CSPP1: variants seen among roughly 807,000 people sequenced by gnomAD.
The protein encoded by CSPP1 is centrosome and spindle pole-associated protein 1.
CSPP1 carries 126 observed loss-of-function variants against 164.4 expected under a neutral mutation model. The observed-to-expected ratio is 0.77, with a 90% CI of 0.66 to 0.89. The LOEUF (loss-of-function observed/expected upper bound fraction) is 0.89. Among genes scored for constraint, CSPP1 ranks in the 40% least tolerant of loss-of-function variants. The pLI, the probability that CSPP1 is intolerant of heterozygous loss-of-function variation, is 0.00. For synonymous variants in CSPP1, 472 were observed against 476.7 expected, an observed-to-expected ratio of 0.99 and a Z score of 0.13; for missense variants, 1,395 against 1,449.8, an observed-to-expected ratio of 0.96 and a Z score of 0.61.
chr8:67,092,445 T>C (rs72654940), intron 5 of CSPP1, among the ~76,000 whole-genome samples: 7,746 of 152,250 alleles, frequency 0.051, 261 homozygotes, highest in Non-Finnish European at 0.073. Flanking sequence ...AGACCTAGTT[T>C]CTTTTTTTTT....
chr8:67,163,702 G>A lies in CSPP1; in HGVS notation c.2644-30G>A, dbSNP rs1217710024. 4 of 1,549,782 alleles carry A rather than the reference G, an allele frequency of 2.6e-6. No individual in the cohort carries two copies. The Admixed American group carries it at 5.1e-5, about 20-fold the overall frequency. ...AGCTTCTGTGTAGGGAAGACATACT[G>A]AACATGTCTTTGTCATTATTGTTGA... On this transcript the variant is annotated intron_variant, in intron 22 of 30. Transcript: ENST00000678616.
intron 8 of CSPP1, among the ~76,000 whole-genome samples, chr8:67,104,287 CAG>C (rs1372758196): frequency 1.4e-5 from 2 of 145,798 alleles, no homozygotes; most frequent in Non-Finnish European, 3.0e-5. Context: ...TTTTTTGAGA[CAG>C]AGTCTCGCTT....
intron 1 of CSPP1, among the ~76,000 whole-genome samples, chr8:67,067,407 T>A (rs1374435470): frequency 6.6e-6 from 1 of 152,260 alleles, no homozygotes; most frequent in Non-Finnish European, 1.5e-5. Flanking sequence ...AATTATTGAT[T>A]ATTTAAATCT....
rs771296892 is a variant in CSPP1, at chr8:67,112,025, C to G, written c.1147C>G (p.Leu383Val). The change falls in exon 10 of 31, where the codon CTG becomes GTG. Residue 383 changes from leucine (L) to valine (V), a missense_variant. Coordinates refer to ENST00000678616, the MANE Select transcript of CSPP1 (RefSeq NM_001382391.1). ...AAGGAAAGAGAAATACAGACTAGAA[C>G]TGTTGGAACAAATGGCTGAGCAACA... ...QRRKEKYRLE[L>V]LEQMAEQQRN... 6.2e-7 allele frequency: 1 copy of G among 1,612,030 alleles called. No individual in the cohort carries two copies. Among genetic ancestry groups the G allele is most frequent in the East Asian group, 2.2e-5 (1 of 44,670 alleles).
intron 4 of CSPP1, chr8:67,086,339 T>G: frequency 1.8e-6 from 1 of 550,036 alleles, no homozygotes; most frequent in South Asian, 1.7e-5. Context: ...ACTAAGGCAG[T>G]GGATTCTAAT....
At position 67,105,947 on chromosome 8, in the gene CSPP1, C is replaced by T. The variant is rs780635377; in HGVS notation, c.1065C>T (p.Thr355=). ...CATCCAAATCTGCTAATCAAGATAC[C>T]TGTAGTCCTTTTGCAGGGATGCTCT... ...NETSKSANQD[T]CSPFAGMLFG... Residue 355 remains threonine, a synonymous_variant, in exon 9 of 31, where the codon ACC becomes ACT. Transcript: ENST00000678616. 2.5e-6 allele frequency: 4 copies of T among 1,593,578 alleles called. No individual in the cohort carries two copies. The highest frequency in any genetic ancestry group is 1.3e-5 in the African/African-American group (1 of 74,454).
chr8:67,081,396 T>A (rs1809152339), intron 3 of CSPP1, among the ~76,000 whole-genome samples: 1 of 152,164 alleles, frequency 6.6e-6, no homozygotes. Context: ...GCCAATTTTT[T>A]AATTACACAT....
At chr8:67,186,074 C>T (rs1282917503) in intron 28 of CSPP1, among the ~76,000 whole-genome samples, 1 of 152,172 alleles carries the variant, frequency 6.6e-6, no homozygotes, top group Non-Finnish European at 1.5e-5. Context: ...GGAGGCTATT[C>T]AAGATCTCTG....
chr8:67,105,669 C>A (rs888964739), intron 8 of CSPP1, among the ~76,000 whole-genome samples: 1 of 152,126 alleles, frequency 6.6e-6, no homozygotes, highest in African/African-American at 2.4e-5. Context: ...CAGGTGTGAG[C>A]CACCATGCCT....
chr8:67,104,485 G>C (rs1050871076), intron 8 of CSPP1, among the ~76,000 whole-genome samples: 1 of 151,878 alleles, frequency 6.6e-6, no homozygotes, highest in Non-Finnish European at 1.5e-5. Flanking sequence ...GGCTGGTCTT[G>C]AACTCCCAAA....
intron 15 of CSPP1, among the ~76,000 whole-genome samples, chr8:67,123,925 G>A (rs1046142989): frequency 1.6e-5 from 2 of 128,098 alleles, no homozygotes; most frequent in Non-Finnish European, 3.2e-5. Flanking sequence ...TTTTTAAGAC[G>A]CAGTCTCGCT....
chr8:67,080,356 A>G (rs1004294204), intron 3 of CSPP1, among the ~76,000 whole-genome samples: 4 of 152,262 alleles, frequency 2.6e-5, no homozygotes, highest in Admixed American at 6.5e-5. Flanking sequence ...CTCATAGTAC[A>G]ACTATCATAC....
At chr8:67,087,615 G>T (rs1810678196) in intron 4 of CSPP1, among the ~76,000 whole-genome samples, 1 of 152,168 alleles carries the variant, frequency 6.6e-6, no homozygotes, top group Non-Finnish European at 1.5e-5. Flanking sequence ...GAGTAAAGGA[G>T]GACCTAGAGG....
At position 67,194,566 on chromosome 8, in the gene CSPP1, G is replaced by A. The variant is rs143670936; in HGVS notation, c.3470-816G>A. Among the ~76,000 whole-genome samples the A allele has an allele frequency of 9.8e-4, 149 of 152,108 alleles. 1 individual carries two copies. Among genetic ancestry groups the A allele is most frequent in the African/African-American group, 3.4e-3 (141 of 41,480 alleles). On this transcript the variant is annotated intron_variant, in intron 30 of 30. Transcript: ENST00000678616. ...TATTTGAGGGAAGATAGCATTTTAA[G>A]AATCTTTTTCAGAAGGTTTTTAATG...
rs1807953403 is a variant in CSPP1 at position 67,076,524 on chromosome 8, A to C, written c.142A>C (p.Ile48Leu). ...GCTTTCTGAAAACAGTAAGATACTG[A>C]TCTCTATGGCTAAGGAAAACATACC... ...AKLSENSKILISMAKENIPPN... is the reference protein window; with the variant it reads ...AKLSENSKILLSMAKENIPPN... Residue 48 changes from isoleucine to leucine, a missense_variant, in exon 3 of 31, where the codon ATC becomes CTC. By Grantham distance (5) the Ile-to-Leu change is conservative. Coordinates refer to ENST00000678616, the MANE Select transcript of CSPP1 (RefSeq NM_001382391.1). 1 of 1,604,106 alleles carries C rather than the reference A, an allele frequency of 6.2e-7. No individual in the cohort carries two copies. Among genetic ancestry groups the C allele is most frequent in the South Asian group, 1.1e-5 (1 of 89,504 alleles).
intron 15 of CSPP1, among the ~76,000 whole-genome samples, chr8:67,130,881 G>A (rs573451610): frequency 3.9e-5 from 6 of 152,168 alleles, no homozygotes; most frequent in Admixed American, 6.5e-5. Flanking sequence ...CCAGTTACTC[G>A]GGAGGCTGAG....
At chr8:67,176,871 A>T (rs1051688170) in intron 26 of CSPP1, among the ~76,000 whole-genome samples, 29 of 151,994 alleles carry the variant, frequency 1.9e-4, no homozygotes, top group African/African-American at 6.5e-4. Flanking sequence ...GGAGTTCAAG[A>T]CCAGTCTGGC....
At position 67,116,096 on chromosome 8, in the gene CSPP1, C is replaced by T. The variant is rs548142175; in HGVS notation, c.1470C>T (p.Ser490=). ...QNEDLRSGLS[S]ALGEMVSPRI... is the part of the protein sequence containing the mutation. ...AAGATTTGCGCAGTGGACTCAGCAG[C>T]GCCCTTGGTGAAATGGTGTCTCCCA... The change falls in exon 13 of 31, where the codon AGC becomes AGT. Residue 490 remains serine, a synonymous_variant. Coordinates refer to ENST00000678616, the MANE Select transcript of CSPP1 (RefSeq NM_001382391.1). 5.0e-5 allele frequency: 81 copies of T among 1,613,850 alleles called. No homozygotes were observed. In the Admixed American group the frequency reaches 9.8e-4, roughly 20 times the overall value.
At position 67,158,434 on chromosome 8, in the gene CSPP1, T is replaced by C. The variant is rs1172158808; in HGVS notation, c.2242-13T>C. ...TAGTTTTACAAGATAAATAACTAAG[T>C]TTAATTCTTTAGATTGAGGAAAAGA... On this transcript the variant is annotated splice_polypyrimidine_tract_variant and intron_variant, in intron 19 of 30. Transcript: ENST00000678616. 8 of 1,562,326 alleles carry C rather than the reference T, an allele frequency of 5.1e-6. No individual in the cohort carries two copies. The African/African-American group carries it at 9.7e-5, about 19-fold the overall frequency.
Sources: allele counts gnomAD v4.1 joint callset (sites outside exome capture counted in the v4.1 genomes callset), GRCh38; gene constraint gnomAD v4.1.1; transcripts MANE v1.5; gene names NCBI Gene and HGNC (gene_info 2026-07-23, HGNC 2026-07-21).